Variants in ZGPAT observed in about 807,000 individuals in gnomAD.
ZGPAT encodes zinc finger CCCH-type with G patch domain-containing protein.
ZGPAT carries 39 observed loss-of-function variants against 47.9 expected under a neutral mutation model. The ratio of observed to expected loss-of-function variants is 0.81; its 90% CI spans 0.63 to 1.06. ZGPAT has a LOEUF of 1.06. Among genes scored for constraint, ZGPAT ranks in the 50% least tolerant of loss-of-function variants. ZGPAT has a pLI of 0.00. For missense variants in ZGPAT, 717 were observed against 681.4 expected, an observed-to-expected ratio of 1.05 and a Z score of -0.58; for synonymous variants, 348 against 292.9, an observed-to-expected ratio of 1.19 and a Z score of -1.92.
At position 63,733,449 on chromosome 20, in the gene ZGPAT, CGG is replaced by C. The variant is rs2091944189; in HGVS notation, c.718+99_718+100del. The stretch of plus-strand genomic sequence containing the variant: ...TCCCTGCTTCCTTTGGGTTGAGTGT[CGG>C]GACTCTGGCTCTGGGCCCGAAATGA... On this transcript the variant is annotated intron_variant, in intron 3 of 6. Transcript: ENST00000355969. 1.9e-6 allele frequency: 3 copies of C among 1,594,824 alleles called. No individual in the cohort carries two copies. The Admixed American group carries it at 5.0e-5, about 27-fold the overall frequency.
intron 2 of ZGPAT, among the ~76,000 whole-genome samples, chr20:63,720,295 A>T (rs1362080208): frequency 1.3e-5 from 2 of 151,944 alleles, no homozygotes; most frequent in African/African-American, 4.8e-5. Flanking sequence ...AGCTGGGACT[A>T]TAGGTGCGTG....
At chr20:63,722,667 C>T (rs2091800432) in intron 2 of ZGPAT, among the ~76,000 whole-genome samples, 1 of 152,004 alleles carries the variant, frequency 6.6e-6, no homozygotes, top group South Asian at 2.1e-4. Context: ...GAGTTTCACT[C>T]TGTCACCCAG....
At chr20:63,712,950 TGAAG>T (rs974515666) in intron 2 of ZGPAT, among the ~76,000 whole-genome samples, 2 of 152,160 alleles carry the variant, frequency 1.3e-5, no homozygotes, top group Non-Finnish European at 2.9e-5. Context: ...AATTCATGAA[TGAAG>T]GATCTGTCCA....
chr20:63,709,218 C>T (rs1227410686), intron 2 of ZGPAT, 54 bp downstream of exon 2: 1 of 1,588,078 alleles, frequency 6.3e-7, no homozygotes, highest in East Asian at 2.2e-5. Context: ...GGCACGCACA[C>T]AGGGTCGGGT....
At chr20:63,715,779 C>T (rs2091721624) in intron 2 of ZGPAT, among the ~76,000 whole-genome samples, 4 of 151,888 alleles carry the variant, frequency 2.6e-5, no homozygotes, top group African/African-American at 7.3e-5. Flanking sequence ...GGTGTTAATT[C>T]TTCTTCAAAT....
At chr20:63,720,222 C>T (rs960955002) in intron 2 of ZGPAT, among the ~76,000 whole-genome samples, 1 of 151,502 alleles carries the variant, frequency 6.6e-6, no homozygotes, top group African/African-American at 2.4e-5. Context: ...ATGGCTTGAT[C>T]TTGGCTCACT....
Position 63,735,963 on chromosome 20 carries a change from G to T in ZGPAT, c.*44G>T. 1 of 1,582,282 alleles carries T rather than the reference G, an allele frequency of 6.3e-7. No homozygotes were observed. The highest frequency in any genetic ancestry group is 8.6e-7 in the Non-Finnish European group (1 of 1,160,962). On this transcript the variant is annotated 3_prime_UTR_variant, in exon 7 of 7. Transcript: ENST00000355969. The stretch of plus-strand genomic sequence containing the variant: ...GGACGAAGCGTGGGACCCCAGCACG[G>T]GCTGCCCTCAGGAAGACCAGTGTTG...
At chr20:63,733,498 G>A in intron 3 of ZGPAT, 89 bp from the exon 4 acceptor site, 1 of 1,609,576 alleles carries the variant, frequency 6.2e-7, no homozygotes. Flanking sequence ...CTCAGCCTCT[G>A]CCCTGCCTTG....
At position 63,708,962 on chromosome 20, in the gene ZGPAT, G is replaced by A; in HGVS notation, c.382G>A (p.Glu128Lys). 6.2e-7 allele frequency: 1 copy of A among 1,613,466 alleles called. No individual in the cohort carries two copies. Reference protein sequence around the residue: ...QEEEEGEDEEELSGTKVSAPY... With the variant: ...QEEEEGEDEEKLSGTKVSAPY... ...GGAGGAAGAGGGAGAGGACGAGGAA[G>A]AGCTGAGTGGGACAAAGGTGAGCGC... The change falls in exon 2 of 7, where the codon GAG (glutamate) becomes AAG (lysine). Residue 128 changes from glutamate (E) to lysine (K), a missense_variant. Transcript: ENST00000355969.
chr20:63,716,236 G>A (rs1601322689), intron 2 of ZGPAT, among the ~76,000 whole-genome samples: 1 of 152,100 alleles, frequency 6.6e-6, no homozygotes, highest in African/African-American at 2.4e-5. Flanking sequence ...CACCATGTTG[G>A]CCAGGCTGGT....
At chr20:63,733,102 A>T (rs2091939545) in intron 2 of ZGPAT, 117 bp from the exon 3 acceptor site, 6 of 1,353,914 alleles carry the variant, frequency 4.4e-6, no homozygotes, top group African/African-American at 4.3e-5. Context: ...ATGTATACGC[A>T]CGCGTGTGTG....
intron 2 of ZGPAT, among the ~76,000 whole-genome samples, chr20:63,719,089 C>T (rs1327098410): frequency 6.6e-6 from 1 of 151,590 alleles, no homozygotes; most frequent in African/African-American, 2.4e-5. Context: ...AATGTCATCT[C>T]ACTGCCTTCT....
rs2091605155 is a variant in ZGPAT at position 63,708,613 on chromosome 20, G to C, written c.33G>C (p.Gln11His). 1 of 1,609,776 alleles carries C rather than the reference G, an allele frequency of 6.2e-7. No homozygotes were observed. Among genetic ancestry groups the C allele is most frequent in the African/African-American group, 1.3e-5 (1 of 74,886 alleles). MDEESLESALQTYRAQLQQVE... is the reference protein window; with the variant it reads MDEESLESALHTYRAQLQQVE... ...AGGAGAGCCTGGAGTCGGCCTTGCA[G>C]ACCTACCGTGCGCAGCTGCAGCAGG... The change falls in exon 2 of 7, where the codon CAG (glutamine) becomes CAC (histidine). Residue 11 changes from glutamine to histidine, a missense_variant. By Grantham distance (24) the Gln-to-His change is conservative. Coordinates refer to ENST00000355969, the MANE Select transcript of ZGPAT (RefSeq NM_181485.3).
Position 63,709,182 on chromosome 20 carries a change from C to T in ZGPAT, c.584+18C>T, listed in dbSNP as rs1387201011. Reference sequence around the variant, plus strand: ...AACTGCAGGTAAAGCCCTTTGTTGTCAGATGCCAACCTTAGGGGCGTAAGG... The same window carrying T: ...AACTGCAGGTAAAGCCCTTTGTTGTTAGATGCCAACCTTAGGGGCGTAAGG... On this transcript the variant is annotated intron_variant, in intron 2 of 6. Coordinates refer to ENST00000355969, the MANE Select transcript of ZGPAT (RefSeq NM_181485.3). 6.2e-7 allele frequency: 1 copy of T among 1,604,754 alleles called. No homozygotes were observed. The highest frequency in any genetic ancestry group is 8.5e-7 in the Non-Finnish European group (1 of 1,179,882).
chr20:63,729,368 G>A (rs143944217), intron 2 of ZGPAT, among the ~76,000 whole-genome samples: 1 of 152,268 alleles, frequency 6.6e-6, no homozygotes, highest in East Asian at 1.9e-4. Context: ...GAGTGTGGCT[G>A]GAACTCAGAA....
chr20:63,733,673 C>A lies in ZGPAT; in HGVS notation c.805C>A (p.Leu269Met). 1 of 1,613,976 alleles carries A rather than the reference C, an allele frequency of 6.2e-7. No homozygotes were observed. Among genetic ancestry groups the A allele is most frequent in the Non-Finnish European group, 8.5e-7 (1 of 1,180,002 alleles). The part of the protein sequence containing the change: ...VVEGDGILPP[L>M]RTEATESDSD... Reference sequence around the variant, plus strand: ...GGAGGGGGACGGCATCCTGCCCCCACTGCGCACAGAGGCCACAGAGTCCGA... The same window carrying A: ...GGAGGGGGACGGCATCCTGCCCCCAATGCGCACAGAGGCCACAGAGTCCGA... Residue 269 changes from leucine (L) to methionine (M), a missense_variant, in exon 4 of 7, where the codon CTG (leucine) becomes ATG (methionine). Coordinates refer to ENST00000355969, the MANE Select transcript of ZGPAT (RefSeq NM_181485.3).
chr20:63,732,045 TGTGA>T (rs577022884), intron 2 of ZGPAT, among the ~76,000 whole-genome samples: 47 of 152,232 alleles, frequency 3.1e-4, no homozygotes, highest in African/African-American at 9.9e-4. Flanking sequence ...TGTATGCAAG[TGTGA>T]GTGTGTATAT....
chr20:63,716,297 TGGGACTACAGACATAAG>T (rs902868447), intron 2 of ZGPAT, among the ~76,000 whole-genome samples: 9 of 152,226 alleles, frequency 5.9e-5, no homozygotes, highest in African/African-American at 2.2e-4. Flanking sequence ...CACAAAGTGC[TGGGACTACAGACATAAG>T]CCACCGCGTC....
In ZGPAT at chr20:63,713,270, G is replaced by C. The variant is rs545613161; in HGVS notation, c.584+4106G>C. 4.1e-5 allele frequency among the ~76,000 whole-genome samples: 6 copies of C among 147,376 alleles called. No individual in the cohort carries two copies. The East Asian group carries it at 1.0e-3, about 26-fold the overall frequency. On this transcript the variant is annotated intron_variant, in intron 2 of 6. Coordinates refer to ENST00000355969, the MANE Select transcript of ZGPAT (RefSeq NM_181485.3). ...TTTTGAGATGGAGTCTTGCTCTGTT[G>C]CCCAGGCTGGAGTGAAGTGGCCCAA...
Sources: gnomAD v4.1 joint callset for allele counts (sites outside exome capture counted in the v4.1 genomes callset) on GRCh38, gnomAD v4.1.1 for gene constraint, MANE v1.5 for transcripts, NCBI Gene and HGNC (gene_info 2026-07-23, HGNC 2026-07-21) for gene names.